The following PCDHA11 variants were observed in gnomAD, a reference collection of about 807,000 sequenced individuals.
PCDHA11 encodes protocadherin alpha 11.
In PCDHA11, 61 loss-of-function variants were observed where a neutral mutation model predicts 70.3. The observed-to-expected ratio is 0.87, with a 90% confidence interval of 0.71 to 1.07. PCDHA11 has a LOEUF of 1.07. Among genes scored for constraint, PCDHA11 ranks in the 50% least tolerant of loss-of-function variants. PCDHA11 has a pLI of 0.00. For synonymous variants in PCDHA11, 633 were observed against 555.1 expected, an observed-to-expected ratio of 1.14 and a Z score of -1.97; for missense variants, 1,324 against 1,237.5, an observed-to-expected ratio of 1.07 and a Z score of -1.05.
In PCDHA11 at chr5:140,877,192, G is replaced by C. The variant is rs202102698; in HGVS notation, c.2391+5698G>C. 3.5e-4 allele frequency: 559 copies of C among 1,613,846 alleles called. 3 individuals are homozygous for C. The African/African-American group carries it at 6.5e-3, about 19-fold the overall frequency. Reference sequence around the variant, plus strand: ...GCTGGCGACTCCGGCTGGCAGCGCAGGAGGCGCAGTTAGCGAGTTGGTACC... The same window carrying C: ...GCTGGCGACTCCGGCTGGCAGCGCACGAGGCGCAGTTAGCGAGTTGGTACC... On this transcript the variant is annotated intron_variant, in intron 1 of 3. Coordinates refer to ENST00000398640, the MANE Select transcript of PCDHA11 (RefSeq NM_018902.5).
chr5:140,889,037 A>G (rs2062077417), intron 1 of PCDHA11, among the ~76,000 whole-genome samples: 1 of 151,994 alleles, frequency 6.6e-6, no homozygotes, highest in Non-Finnish European at 1.5e-5. Context: ...CCGTAATTTG[A>G]TTATAATTTA....
chr5:140,942,633 G>T (rs1554215141), intron 1 of PCDHA11, among the ~76,000 whole-genome samples: 1 of 151,380 alleles, frequency 6.6e-6, no homozygotes, highest in Non-Finnish European at 1.5e-5. Context: ...AAAAAAAATG[G>T]CAAAAGAGAT....
At chr5:140,910,067 G>C (rs868941459) in intron 1 of PCDHA11, among the ~76,000 whole-genome samples, 1 of 152,194 alleles carries the variant, frequency 6.6e-6, no homozygotes, top group Non-Finnish European at 1.5e-5. Flanking sequence ...TTTTAACAGC[G>C]TAAATTGTTG....
intron 3 of PCDHA11, among the ~76,000 whole-genome samples, chr5:140,990,953 A>G (rs371951430): frequency 6.6e-6 from 1 of 152,194 alleles, no homozygotes; most frequent in Non-Finnish European, 1.5e-5. Flanking sequence ...GACTGTAGAA[A>G]TAGTCTCTTA....
chr5:140,946,298 G>A (rs1670826449), intron 1 of PCDHA11, among the ~76,000 whole-genome samples: 1 of 151,840 alleles, frequency 6.6e-6, no homozygotes, highest in Admixed American at 6.6e-5. Flanking sequence ...CCTCACACCT[G>A]GTAGAATGGC....
In PCDHA11 at chr5:140,929,288, G is replaced by A. The variant is rs386352346; in HGVS notation, c.2392-49661G>A. 3.1e-6 allele frequency: 5 copies of A among 1,597,514 alleles called. No homozygotes were observed. Among genetic ancestry groups the A allele is most frequent in the Non-Finnish European group, 3.4e-6 (4 of 1,168,792 alleles). On this transcript the variant is annotated intron_variant, in intron 1 of 3. Transcript: ENST00000398640. ...TTGCCAATATCCTGTATTCAGATTC[G>A]GAATAGGAAAGGGGATCACGCTAAT... is the stretch of plus-strand genomic sequence containing the variant.
intron 1 of PCDHA11, chr5:140,927,490 C>T: frequency 3.1e-6 from 5 of 1,614,132 alleles, no homozygotes; most frequent in Non-Finnish European, 4.2e-6. Context: ...CGCCACCCAC[C>T]TGCTGGTGCT....
intron 3 of PCDHA11, chr5:140,988,770 G>A (rs1388594585): frequency 6.6e-6 from 1 of 152,168 alleles, no homozygotes; most frequent in African/African-American, 2.4e-5. Flanking sequence ...TACAGTCATG[G>A]TTAAGACCAT....
chr5:140,872,373 T>C (rs1437548177), intron 1 of PCDHA11, among the ~76,000 whole-genome samples: 3 of 152,182 alleles, frequency 2.0e-5, no homozygotes, highest in African/African-American at 4.8e-5. Flanking sequence ...AGGCCTGTAA[T>C]CCCAGCTATT....
At chr5:140,874,530 G>T (rs1332198120) in intron 1 of PCDHA11, among the ~76,000 whole-genome samples, 2 of 152,200 alleles carry the variant, frequency 1.3e-5, no homozygotes, top group Admixed American at 6.5e-5. Flanking sequence ...ATGAGATTAG[G>T]CTCCAAAACC....
chr5:140,879,002 AG>A (rs1278268880), intron 1 of PCDHA11, among the ~76,000 whole-genome samples: 2 of 152,270 alleles, frequency 1.3e-5, no homozygotes, highest in African/African-American at 4.8e-5. Context: ...AGTATGCCCT[AG>A]AAATCAGATA....
At chr5:140,943,789 T>C (rs2093567416) in intron 1 of PCDHA11, among the ~76,000 whole-genome samples, 1 of 152,228 alleles carries the variant, frequency 6.6e-6, no homozygotes, top group African/African-American at 2.4e-5. Flanking sequence ...TGGTCCTTTA[T>C]GCAAAGCAAA....
intron 1 of PCDHA11, chr5:140,966,700 G>T: frequency 7.3e-7 from 1 of 1,365,440 alleles, no homozygotes; most frequent in Non-Finnish European, 9.4e-7. Context: ...GGGCCCGGGC[G>T]TGGGGCACGG....
At chr5:140,919,069 A>G (rs2078992601) in intron 1 of PCDHA11, among the ~76,000 whole-genome samples, 1 of 152,200 alleles carries the variant, frequency 6.6e-6, no homozygotes, top group African/African-American at 2.4e-5. Context: ...TAAAGTCTCC[A>G]GTTATGACTA....
At chr5:140,901,433 A>G (rs1472475784) in intron 1 of PCDHA11, among the ~76,000 whole-genome samples, 2 of 152,104 alleles carry the variant, frequency 1.3e-5, no homozygotes, top group Non-Finnish European at 2.9e-5. Flanking sequence ...CTGCATATGG[A>G]TATCTAGTTT....
chr5:140,957,937 A>G (rs2095399590), intron 1 of PCDHA11, among the ~76,000 whole-genome samples: 1 of 152,112 alleles, frequency 6.6e-6, no homozygotes, highest in Admixed American at 6.5e-5. Flanking sequence ...AAATAATTTA[A>G]AGATCTTTAA....
At chr5:140,979,826 G>A (rs1338756237) in intron 2 of PCDHA11, among the ~76,000 whole-genome samples, 1 of 152,184 alleles carries the variant, frequency 6.6e-6, no homozygotes, top group East Asian at 1.9e-4. Context: ...TAATTTTAAA[G>A]AAGAAATAAT....
At chr5:141,004,657 G>A (rs565994909) in intron 3 of PCDHA11, among the ~76,000 whole-genome samples, 1 of 152,262 alleles carries the variant, frequency 6.6e-6, no homozygotes, top group Admixed American at 6.5e-5. Context: ...TGGGCTCTGA[G>A]GGCAACTAAA....
intron 3 of PCDHA11, among the ~76,000 whole-genome samples, chr5:140,990,715 A>T (rs927680875): frequency 1.3e-5 from 2 of 152,194 alleles, no homozygotes; most frequent in Admixed American, 6.5e-5. Flanking sequence ...GGATAAGAGC[A>T]TCACTAGGTA....
Sources: gnomAD v4.1 joint callset for allele counts (sites outside exome capture counted in the v4.1 genomes callset) on GRCh38, gnomAD v4.1.1 for gene constraint, MANE v1.5 for transcripts, NCBI Gene and HGNC (gene_info 2026-07-23, HGNC 2026-07-21) for gene names.